Variants in SCMH1 observed in about 807,000 individuals in gnomAD.
SCMH1 encodes the protein polycomb protein SCMH1.
A neutral mutation model predicts 70.8 loss-of-function variants in SCMH1; 37 were observed. That is an observed-to-expected ratio of 0.52 (90% confidence interval 0.40 to 0.69). The LOEUF is 0.69. Ranked by LOEUF, SCMH1 falls within the 30% of genes least tolerant of loss-of-function variation. The pLI is 0.00. For missense variants in SCMH1, 607 were observed against 827.3 expected, an observed-to-expected ratio of 0.73 and a Z score of 3.27; for synonymous variants, 292 against 307.4, an observed-to-expected ratio of 0.95 and a Z score of 0.52.
intron 1 of SCMH1, among the ~76,000 whole-genome samples, chr1:41,206,158 C>T (rs1004367551): frequency 6.6e-6 from 1 of 152,182 alleles, no homozygotes; most frequent in Non-Finnish European, 1.5e-5. Context: ...CGCAGCTCCT[C>T]ACCAGCAACA....
intron 2 of SCMH1, among the ~76,000 whole-genome samples, chr1:41,185,790 C>T (rs1015291203): frequency 1.3e-5 from 2 of 151,970 alleles, no homozygotes; most frequent in Non-Finnish European, 2.9e-5. Context: ...CATGCGCCAC[C>T]ATGCCCACCA....
At chr1:41,115,284 T>C (rs1670190164) in intron 7 of SCMH1, among the ~76,000 whole-genome samples, 1 of 152,208 alleles carries the variant, frequency 6.6e-6, no homozygotes, top group Non-Finnish European at 1.5e-5. Context: ...CCCTAGTGAT[T>C]TGTGGATTTT....
At chr1:41,122,420 CCTT>C (rs1672175133) in intron 6 of SCMH1, among the ~76,000 whole-genome samples, 1 of 152,158 alleles carries the variant, frequency 6.6e-6, no homozygotes, top group Non-Finnish European at 1.5e-5. Context: ...TATCCTGCTT[CCTT>C]CTTATTTATT....
At chr1:41,101,207 A>G (rs1666558640) in intron 8 of SCMH1, among the ~76,000 whole-genome samples, 1 of 152,212 alleles carries the variant, frequency 6.6e-6, no homozygotes, top group Non-Finnish European at 1.5e-5. Flanking sequence ...AGCTTACAGT[A>G]AAAAACAGTA....
intron 5 of SCMH1, among the ~76,000 whole-genome samples, chr1:41,147,054 C>T (rs955486703): frequency 6.6e-6 from 1 of 152,106 alleles, no homozygotes; most frequent in Non-Finnish European, 1.5e-5. Context: ...TACATCTTTG[C>T]CACTATTTAA....
At chr1:41,104,200 G>C (rs1557451552) in intron 8 of SCMH1, among the ~76,000 whole-genome samples, 1 of 152,154 alleles carries the variant, frequency 6.6e-6, no homozygotes, top group African/African-American at 2.4e-5. Context: ...TGGGGAGGCA[G>C]ACACTTGTCT....
At chr1:41,061,559 C>A (rs1652650878) in intron 10 of SCMH1, among the ~76,000 whole-genome samples, 1 of 152,252 alleles carries the variant, frequency 6.6e-6, no homozygotes, top group East Asian at 1.9e-4. Context: ...TACCTAACAA[C>A]AGAGTGTCAG....
chr1:41,157,289 T>A (rs1645637434), intron 4 of SCMH1, among the ~76,000 whole-genome samples: 1 of 152,218 alleles, frequency 6.6e-6, no homozygotes, highest in African/African-American at 2.4e-5. Context: ...ACTATTATAA[T>A]TTTATTTGCA....
At chr1:41,214,340 A>T (rs919600088) in intron 1 of SCMH1, among the ~76,000 whole-genome samples, 2 of 152,196 alleles carry the variant, frequency 1.3e-5, no homozygotes, top group Admixed American at 1.3e-4. Context: ...TGCAAAATAT[A>T]ACAATATACA....
intron 1 of SCMH1, among the ~76,000 whole-genome samples, chr1:41,198,166 C>A (rs936432270): frequency 2.6e-5 from 4 of 152,104 alleles, no homozygotes; most frequent in Non-Finnish European, 4.4e-5. Context: ...GCTGCCTCAG[C>A]CCCCCAACAC....
intron 10 of SCMH1, among the ~76,000 whole-genome samples, chr1:41,064,851 G>A (rs952349543): frequency 4.0e-5 from 6 of 151,650 alleles, no homozygotes; most frequent in Non-Finnish European, 7.4e-5. Context: ...GGAGTTTGAG[G>A]CTGCGGAGAG....
At chr1:41,046,804 G>A (rs941938550) in intron 11 of SCMH1, 2 of 555,298 alleles carry the variant, frequency 3.6e-6, no homozygotes, top group Admixed American at 3.2e-5. Context: ...TTGCAAATAT[G>A]GGAGTGGCCA....
At chr1:41,159,709 T>C in intron 4 of SCMH1, 1 of 1,531,006 alleles carries the variant, frequency 6.5e-7, no homozygotes, top group Non-Finnish European at 8.8e-7. Flanking sequence ...ATTTATCAAG[T>C]GCCAGGCACC....
intron 8 of SCMH1, among the ~76,000 whole-genome samples, chr1:41,092,688 T>C (rs889285675): frequency 2.0e-5 from 3 of 151,842 alleles, no homozygotes; most frequent in Non-Finnish European, 2.9e-5. Context: ...AAAAATCAAA[T>C]AACCCCATCA....
chr1:41,146,209 T>C (rs1037718708), intron 5 of SCMH1, among the ~76,000 whole-genome samples: 13 of 151,356 alleles, frequency 8.6e-5, no homozygotes, highest in Admixed American at 3.3e-4. Flanking sequence ...ACAAAAAGAG[T>C]TTAAAAGGTA....
At chr1:41,028,847 C>T in intron 13 of SCMH1, 121 bp from the exon 15 acceptor site, 1 of 1,077,382 alleles carries the variant, frequency 9.3e-7, no homozygotes. Context: ...AGACGATGAG[C>T]TGAGGAACTG....
chr1:41,191,086 G>A (rs1651608765), intron 1 of SCMH1, among the ~76,000 whole-genome samples: 1 of 152,112 alleles, frequency 6.6e-6, no homozygotes. Flanking sequence ...TGTTATCCAG[G>A]CTGGTCTTGA....
intron 8 of SCMH1, among the ~76,000 whole-genome samples, chr1:41,099,557 G>A (rs1666022916): frequency 6.6e-6 from 1 of 152,204 alleles, no homozygotes; most frequent in Admixed American, 6.5e-5. Context: ...TGGTATGAAA[G>A]AAAGAACACT....
chr1:41,216,135 C>A (rs1032843091), intron 1 of SCMH1, among the ~76,000 whole-genome samples: 1 of 152,118 alleles, frequency 6.6e-6, no homozygotes, highest in African/African-American at 2.4e-5. Flanking sequence ...GAAATGACAG[C>A]CCTGGCAACT....
Sources: allele counts gnomAD v4.1 joint callset (sites outside exome capture counted in the v4.1 genomes callset), GRCh38; gene constraint gnomAD v4.1.1; transcripts MANE v1.5; gene names NCBI Gene and HGNC (gene_info 2026-07-23, HGNC 2026-07-21).